Variants in DCC observed in about 807,000 individuals in gnomAD.
DCC encodes the protein netrin receptor DCC.
In DCC, 58 loss-of-function variants were observed where a neutral mutation model predicts 172.5. The ratio of observed to expected loss-of-function variants is 0.34; its 90% CI spans 0.27 to 0.42. The LOEUF (loss-of-function observed/expected upper bound fraction) is 0.42, where lower values mean the gene tolerates loss of function less well. DCC is among the 10% of genes least tolerant of loss of function. DCC has a pLI of 1.00. For missense variants in DCC, 1,740 were observed against 1,791.0 expected (o/e 0.97, Z 0.51); for synonymous variants, 709 against 644.5 (o/e 1.10, Z -1.52).
At chr18:53,243,416 T>C (rs1285506152) in intron 12 of DCC, among the ~76,000 whole-genome samples, 3 of 152,176 alleles carry the variant, frequency 2.0e-5, no homozygotes, top group Non-Finnish European at 4.4e-5. Context: ...GATCTCCTTG[T>C]GCCAGACATT....
intron 1 of DCC, among the ~76,000 whole-genome samples, chr18:52,373,209 G>GT (rs925624259): frequency 3.3e-5 from 5 of 151,916 alleles, no homozygotes; most frequent in African/African-American, 4.8e-5. Flanking sequence ...TGGCCATACA[G>GT]TTTTTTTTCC....
chr18:52,474,434 C>G (rs577635772), intron 1 of DCC, among the ~76,000 whole-genome samples: 1 of 152,252 alleles, frequency 6.6e-6, no homozygotes, highest in South Asian at 2.1e-4. Flanking sequence ...TCTGCCTTCT[C>G]CAAGTCCCAT....
chr18:52,689,939 C>T (rs2035905298), intron 1 of DCC, among the ~76,000 whole-genome samples: 1 of 152,020 alleles, frequency 6.6e-6, no homozygotes, highest in Non-Finnish European at 1.5e-5. Context: ...GAAGTGAAGT[C>T]GAATCTATTT....
intron 21 of DCC, among the ~76,000 whole-genome samples, chr18:53,425,568 G>A (rs1446883473): frequency 1.3e-5 from 2 of 151,658 alleles, no homozygotes; most frequent in East Asian, 3.9e-4. Context: ...CACCATGTTG[G>A]CCAGGTTGGT....
chr18:52,495,731 G>T (rs1281673086), intron 1 of DCC, among the ~76,000 whole-genome samples: 3 of 151,628 alleles, frequency 2.0e-5, no homozygotes, highest in African/African-American at 7.3e-5. Flanking sequence ...TTGAATTCTG[G>T]CTGCATTTTT....
intron 1 of DCC, among the ~76,000 whole-genome samples, chr18:52,529,193 T>C (rs1292847838): frequency 6.6e-6 from 1 of 152,238 alleles, no homozygotes; most frequent in East Asian, 1.9e-4. Flanking sequence ...CAAAAATTAA[T>C]TGGTCATCGT....
At chr18:52,963,911 A>G (rs2040886599) in intron 5 of DCC, among the ~76,000 whole-genome samples, 1 of 152,090 alleles carries the variant, frequency 6.6e-6, no homozygotes, top group African/African-American at 2.4e-5. Context: ...TAAGTTCACA[A>G]AACATTTTAT....
intron 21 of DCC, among the ~76,000 whole-genome samples, chr18:53,430,351 C>T (rs1370245720): frequency 6.6e-6 from 1 of 152,102 alleles, no homozygotes; most frequent in Non-Finnish European, 1.5e-5. Context: ...CTCTTATGCC[C>T]ATTCAGGGAA....
intron 25 of DCC, among the ~76,000 whole-genome samples, chr18:53,482,574 A>C (rs2045846188): frequency 6.6e-6 from 1 of 151,842 alleles, no homozygotes; most frequent in African/African-American, 2.4e-5. Context: ...TACGTATGAA[A>C]CTCTTTTTCT....
At chr18:53,216,618 C>CA (rs1025483040) in intron 12 of DCC, among the ~76,000 whole-genome samples, 47 of 152,170 alleles carry the variant, frequency 3.1e-4, no homozygotes, top group African/African-American at 1.1e-3. Context: ...ATTCCATGTG[C>CA]AAATGCCTTG....
rs117501188 is a variant in DCC, at chr18:53,101,001, T to C, written c.1261+34835T>C. On this transcript the variant is annotated intron_variant, in intron 7 of 28. Transcript: ENST00000442544. ...GGAAGACATGCACCCTTTAATCCTG[T>C]AGCACCTTCACCTTCATCTTGTTCC... 5.5e-3 allele frequency among the ~76,000 whole-genome samples: 842 copies of C among 152,268 alleles called. 6 individuals are homozygous for C. The highest frequency in any genetic ancestry group is 0.022 in the Admixed American group (339 of 15,290).
intron 1 of DCC, among the ~76,000 whole-genome samples, chr18:52,467,677 G>T (rs1422109767): frequency 6.6e-6 from 1 of 152,064 alleles, no homozygotes; most frequent in African/African-American, 2.4e-5. Context: ...GCGTAAAATC[G>T]TTCCTGTTTC....
chr18:52,773,232 T>A (rs539991984), intron 2 of DCC, among the ~76,000 whole-genome samples: 2 of 152,340 alleles, frequency 1.3e-5, no homozygotes, highest in African/African-American at 4.8e-5. Context: ...TGGTTAGATA[T>A]CAAACTATGA....
intron 13 of DCC, among the ~76,000 whole-genome samples, chr18:53,312,453 T>G (rs1374365213): frequency 6.6e-6 from 1 of 151,788 alleles, no homozygotes; most frequent in Admixed American, 6.6e-5. Context: ...GCCAAATTAT[T>G]TAAATTTTTA....
In DCC at chr18:52,675,442, C is replaced by A. The variant is rs149079360; in HGVS notation, c.92-76612C>A. The stretch of plus-strand genomic sequence containing the variant: ...TTAAGCTGGAAGCCCCCCACACCAA[C>A]TTCAAGTTGTTCCACCTTCCTGGAC... On this transcript the variant is annotated intron_variant, in intron 1 of 28. Coordinates refer to ENST00000442544, the MANE Select transcript of DCC (RefSeq NM_005215.4). Among the ~76,000 whole-genome samples the A allele has an allele frequency of 8.0e-4, 122 of 152,274 alleles. No homozygotes were observed. In the East Asian group the frequency reaches 0.023, roughly 29 times the overall value.
chr18:53,136,291 C>G (rs34948189), intron 7 of DCC, among the ~76,000 whole-genome samples: 8,151 of 151,390 alleles, frequency 0.054, 292 homozygotes, highest in East Asian at 0.11. Context: ...ATATTATATG[C>G]CCATCGGGAA....
At position 53,450,618 on chromosome 18, in the gene DCC, C is replaced by T. The variant is rs1474376680; in HGVS notation, c.3348C>T (p.Ile1116=). 3.7e-6 allele frequency: 6 copies of T among 1,611,354 alleles called. No individual in the cohort carries two copies. The highest frequency in any genetic ancestry group is 1.7e-5 in the Admixed American group (1 of 59,758). Residue 1116 remains isoleucine (I), a synonymous_variant, in exon 23 of 29, where the codon ATC becomes ATT. Coordinates refer to ENST00000442544, the MANE Select transcript of DCC (RefSeq NM_005215.4). ...TCATCACAGTGCTGGTAGTGGTCAT[C>T]GTGGCTGTGATTTGCACCCGACGCT... ...VGVITVLVVV[I]VAVICTRRSS...
At chr18:52,903,088 T>G (rs2039833120) in intron 2 of DCC, among the ~76,000 whole-genome samples, 1 of 152,228 alleles carries the variant, frequency 6.6e-6, no homozygotes, top group Non-Finnish European at 1.5e-5. Context: ...AACCAATTGT[T>G]GAGTATCAGT....
intron 2 of DCC, among the ~76,000 whole-genome samples, chr18:52,821,725 T>G (rs9964788): frequency 0.11 from 17,118 of 152,282 alleles, 1,045 homozygotes; most frequent in South Asian, 0.2. Flanking sequence ...TATTTCTGTA[T>G]GTATCTGTTT....
Sources: allele counts gnomAD v4.1 joint callset (sites outside exome capture counted in the v4.1 genomes callset), GRCh38; gene constraint gnomAD v4.1.1; transcripts MANE v1.5; gene names NCBI Gene and HGNC (gene_info 2026-07-23, HGNC 2026-07-21).